The following MAGI1 variants were observed in gnomAD, a reference collection of about 807,000 sequenced individuals.
MAGI1 encodes the protein membrane associated guanylate kinase, WW and PDZ domain containing 1.
In MAGI1, 58 loss-of-function variants were observed where a neutral mutation model predicts 139.9. The ratio of observed to expected loss-of-function variants is 0.41; its 90% confidence interval spans 0.34 to 0.52. The LOEUF (loss-of-function observed/expected upper bound fraction) is 0.52, where lower values mean the gene tolerates loss of function less well. MAGI1 is among the 20% of genes least tolerant of loss of function. The probability of loss-of-function intolerance (pLI) is 0.12; values close to 1 mark genes in which losing one functional copy is unlikely to be tolerated. For synonymous variants in MAGI1, 812 were observed against 737.9 expected, an observed-to-expected ratio of 1.10 and a Z score of -1.63; for missense variants, 1,874 against 1,901.6, an observed-to-expected ratio of 0.99 and a Z score of 0.27.
At chr3:65,840,573 C>A (rs1386736166) in intron 1 of MAGI1, among the ~76,000 whole-genome samples, 1 of 152,088 alleles carries the variant, frequency 6.6e-6, no homozygotes, top group Non-Finnish European at 1.5e-5. Flanking sequence ...TGATTGATTT[C>A]TAAATACTGA....
intron 1 of MAGI1, among the ~76,000 whole-genome samples, chr3:65,673,253 C>T (rs564927258): frequency 1.9e-4 from 29 of 152,306 alleles, no homozygotes; most frequent in African/African-American, 6.3e-4. Context: ...TGGCCAGACA[C>T]TGAATGAATT....
intron 12 of MAGI1, among the ~76,000 whole-genome samples, chr3:65,414,705 A>G (rs1946055065): frequency 6.6e-6 from 1 of 152,132 alleles, no homozygotes; most frequent in Non-Finnish European, 1.5e-5. Context: ...GAACATTAAA[A>G]AGGAGGAGAT....
intron 1 of MAGI1, among the ~76,000 whole-genome samples, chr3:65,830,543 C>T (rs2042467029): frequency 6.6e-6 from 1 of 152,156 alleles, no homozygotes; most frequent in Admixed American, 6.5e-5. Context: ...TCTCAGTGGA[C>T]ACTATTTCAC....
intron 1 of MAGI1, among the ~76,000 whole-genome samples, chr3:65,708,741 C>A (rs997119040): frequency 3.9e-5 from 6 of 152,180 alleles, no homozygotes; most frequent in Non-Finnish European, 7.3e-5. Flanking sequence ...AAAGAACAGA[C>A]AAGAGCTAGC....
intron 2 of MAGI1, among the ~76,000 whole-genome samples, chr3:65,583,949 A>T (rs2081554254): frequency 6.6e-6 from 1 of 152,150 alleles, no homozygotes; most frequent in Non-Finnish European, 1.5e-5. Flanking sequence ...AAGGCAGTTC[A>T]ATCTGGAGAA....
At chr3:65,467,972 T>G (rs1328149638) in intron 5 of MAGI1, among the ~76,000 whole-genome samples, 1 of 152,182 alleles carries the variant, frequency 6.6e-6, no homozygotes, top group Non-Finnish European at 1.5e-5. Context: ...ATAACAATAG[T>G]GATCACTAAT....
chr3:65,530,298 G>C (rs959335926), intron 2 of MAGI1, among the ~76,000 whole-genome samples: 2 of 151,974 alleles, frequency 1.3e-5, no homozygotes, highest in African/African-American at 2.4e-5. Context: ...TGAATTAGGC[G>C]AGTCTTTCAC....
At chr3:65,737,335 G>A (rs999053972) in intron 1 of MAGI1, among the ~76,000 whole-genome samples, 1 of 152,192 alleles carries the variant, frequency 6.6e-6, no homozygotes, top group Non-Finnish European at 1.5e-5. Context: ...ATGGATGGAT[G>A]GACAGATGGA....
chr3:65,861,406 T>TG (rs1478585056), intron 1 of MAGI1, among the ~76,000 whole-genome samples: 1 of 152,178 alleles, frequency 6.6e-6, no homozygotes, highest in Admixed American at 6.5e-5. Context: ...TCTAAAGACT[T>TG]GGAGTTTGCA....
chr3:65,977,692 T>C lies in MAGI1; in HGVS notation c.313+60304A>G, dbSNP rs543655530. On this transcript the variant is annotated intron_variant, in intron 1 of 22. Transcript: ENST00000402939. ...CACCACTGCACTCCAGCCTGGATGA[T>C]AGAGTGAGACTCCATCCTCCTGCCA... Among the ~76,000 whole-genome samples the C allele has an allele frequency of 9.2e-5, 14 of 151,526 alleles. No homozygotes were observed. In the East Asian group the frequency reaches 9.7e-4, roughly 11 times the overall value.
chr3:65,521,728 G>A (rs1432197246), intron 2 of MAGI1, among the ~76,000 whole-genome samples: 1 of 152,154 alleles, frequency 6.6e-6, no homozygotes, highest in Non-Finnish European at 1.5e-5. Flanking sequence ...AGGCCCAAGA[G>A]CTTTATGAAA....
intron 1 of MAGI1, among the ~76,000 whole-genome samples, chr3:65,785,653 C>G (rs1459072497): frequency 6.6e-6 from 1 of 152,116 alleles, no homozygotes; most frequent in African/African-American, 2.4e-5. Context: ...TCTCTAGCAC[C>G]TGGAACCATG....
At chr3:65,831,832 T>C (rs1315628070) in intron 1 of MAGI1, among the ~76,000 whole-genome samples, 1 of 152,310 alleles carries the variant, frequency 6.6e-6, no homozygotes, top group Non-Finnish European at 1.5e-5. Flanking sequence ...ACTACAGATT[T>C]GAAATTTAAA....
intron 1 of MAGI1, among the ~76,000 whole-genome samples, chr3:65,676,390 C>T (rs1559777172): frequency 6.6e-6 from 1 of 152,128 alleles, no homozygotes. Flanking sequence ...GCAATAATCA[C>T]GGTTAGTTCC....
rs374667118 is a variant in MAGI1, at chr3:65,955,924, G to A, written c.313+82072C>T. 2.6e-5 allele frequency among the ~76,000 whole-genome samples: 4 copies of A among 152,010 alleles called. No individual in the cohort carries two copies. In the East Asian group the frequency reaches 5.8e-4, roughly 22 times the overall value. ...TAAACGAAAAGCAAAACTTCTCTGT[G>A]TCAAAACACAAGCTGAAGATGATTT... is the stretch of plus-strand genomic sequence containing the variant. On this transcript the variant is annotated intron_variant, in intron 1 of 22. Transcript: ENST00000402939.
chr3:65,419,197 G>A (rs1442729620), intron 12 of MAGI1, among the ~76,000 whole-genome samples: 2 of 103,150 alleles, frequency 1.9e-5, no homozygotes, highest in African/African-American at 8.0e-5. Context: ...TCCACAATGG[G>A]AAATACATTT....
chr3:65,681,621 C>G (rs549903713), intron 1 of MAGI1, among the ~76,000 whole-genome samples: 2 of 152,210 alleles, frequency 1.3e-5, no homozygotes, highest in African/African-American at 2.4e-5. Flanking sequence ...CTAGCAGACC[C>G]TCTGCACTTC....
chr3:65,618,766 G>A (rs568925422), intron 2 of MAGI1, among the ~76,000 whole-genome samples: 1 of 152,072 alleles, frequency 6.6e-6, no homozygotes, highest in Non-Finnish European at 1.5e-5. Flanking sequence ...ATTGCTATGT[G>A]TATCTGATAA....
intron 1 of MAGI1, among the ~76,000 whole-genome samples, chr3:66,022,045 C>T (rs1301966905): frequency 1.3e-5 from 2 of 152,112 alleles, no homozygotes; most frequent in South Asian, 2.1e-4. Context: ...GTCTCTTTCC[C>T]CTCTGGAATT....
Sources: gnomAD v4.1 joint callset for allele counts (sites outside exome capture counted in the v4.1 genomes callset) on GRCh38, gnomAD v4.1.1 for gene constraint, MANE v1.5 for transcripts, NCBI Gene and HGNC (gene_info 2026-07-23, HGNC 2026-07-21) for gene names.